The following FLT1 variants were observed in gnomAD, a reference collection of about 807,000 sequenced individuals.
The protein encoded by FLT1 is fms related receptor tyrosine kinase 1, also known as vascular endothelial growth factor receptor 1.
In FLT1, 49 loss-of-function variants were observed where a neutral mutation model predicts 156.3. The observed-to-expected ratio is 0.31, with a 90% CI of 0.25 to 0.40. FLT1 has a LOEUF of 0.40. FLT1 is among the 10% of genes least tolerant of loss of function. The probability of loss-of-function intolerance (pLI) is 1.00; values close to 1 mark genes in which losing one functional copy is unlikely to be tolerated. For synonymous variants in FLT1, 594 were observed against 583.8 expected, an observed-to-expected ratio of 1.02 and a Z score of -0.25; for missense variants, 1,322 against 1,637.2, an observed-to-expected ratio of 0.81 and a Z score of 3.32.
At chr13:28,390,570 A>G (rs1202996279) in intron 12 of FLT1, among the ~76,000 whole-genome samples, 1 of 151,950 alleles carries the variant, frequency 6.6e-6, no homozygotes, top group African/African-American at 2.4e-5. Flanking sequence ...TAATTTTTGT[A>G]CTTTTTGGTG....
chr13:28,302,794 G>C lies in FLT1; in HGVS notation c.*373C>G, dbSNP rs1455374797. ...ACGGGCTTGTTGCCCTGGGTTTTGG[G>C]CTGCAGGGCTGGCCCAGTGGGGTAC... On this transcript the variant is annotated 3_prime_UTR_variant, in exon 30 of 30. Coordinates refer to ENST00000282397, the MANE Select transcript of FLT1 (RefSeq NM_002019.4). The C allele has an allele frequency of 3.7e-6, 1 of 273,154 alleles. No homozygotes were observed. The highest frequency in any genetic ancestry group is 2.3e-5 in the African/African-American group (1 of 42,630). The allele number at this position is 273,154 out of a possible 1,614,324, so 16.9% of individuals were successfully genotyped here. A position where few individuals can be genotyped will look rare whatever the true frequency, so the allele number is the denominator to read the frequency against.
chr13:28,320,082 T>C (rs1273960750), intron 23 of FLT1, among the ~76,000 whole-genome samples: 1 of 152,150 alleles, frequency 6.6e-6, no homozygotes, highest in East Asian at 1.9e-4. Context: ...TGTAGACAAA[T>C]CTTCCTCTCT....
chr13:28,352,949 C>T (rs1222997643), intron 15 of FLT1, among the ~76,000 whole-genome samples: 2 of 152,172 alleles, frequency 1.3e-5, no homozygotes, highest in Admixed American at 6.5e-5. Flanking sequence ...AAAGCAGTGA[C>T]TGAAGACCCA....
chr13:28,303,431 A>ACTTTTTTAG, intron 29 of FLT1, 63 bp from the exon 30 acceptor site: 1 of 1,430,292 alleles, frequency 7.0e-7, no homozygotes, highest in Non-Finnish European at 9.7e-7. Context: ...CAAAGACACT[A>ACTTTTTTAG]AAATCTACTC....
intron 1 of FLT1, among the ~76,000 whole-genome samples, chr13:28,474,228 G>A (rs1317584437): frequency 6.6e-6 from 1 of 152,108 alleles, no homozygotes; most frequent in Non-Finnish European, 1.5e-5. Flanking sequence ...GGCTGAGGCA[G>A]CTGTATCACC....
At chr13:28,468,490 G>A (rs989155875) in intron 1 of FLT1, among the ~76,000 whole-genome samples, 3 of 152,122 alleles carry the variant, frequency 2.0e-5, no homozygotes, top group African/African-American at 7.2e-5. Flanking sequence ...TGGACTAGAC[G>A]ACCTTGAAAT....
chr13:28,438,052 T>G (rs1878129452), intron 4 of FLT1, among the ~76,000 whole-genome samples, 169 bp downstream of exon 4: 1 of 152,240 alleles, frequency 6.6e-6, no homozygotes, highest in East Asian at 1.9e-4. Flanking sequence ...ACCACATGCA[T>G]GGACATAACT....
At position 28,412,385 on chromosome 13, in the gene FLT1, T is replaced by TTTCTTTCCTTCTTTCTTTCC. The variant is rs1555236551; in HGVS notation, c.1437-6492_1437-6491insGGAAAGAAAGAAGGAAAGAA. ...CTTTCTTTCTTTCTTTCTTTCTTTC[T>TTTCTTTCCTTCTTTCTTTCC]TTCTTTCTTTCTTTCTTTCTTTCTT... is the stretch of plus-strand genomic sequence containing the variant. On this transcript the variant is annotated intron_variant, in intron 10 of 29. Coordinates refer to ENST00000282397, the MANE Select transcript of FLT1 (RefSeq NM_002019.4). Among the ~76,000 whole-genome samples the TTTCTTTCCTTCTTTCTTTCC allele has an allele frequency of 3.4e-3, 292 of 84,968 alleles. 6 individuals carry two copies. The highest frequency in any genetic ancestry group is 0.01 in the African/African-American group (277 of 26,792). The allele number at this position is 84,968 out of a possible 152,430, so 55.7% of individuals were successfully genotyped here. A position where few individuals can be genotyped will look rare whatever the true frequency, so the allele number is the denominator to read the frequency against.
chr13:28,424,656 T>C (rs946265002), intron 10 of FLT1, among the ~76,000 whole-genome samples: 1 of 152,210 alleles, frequency 6.6e-6, no homozygotes, highest in Non-Finnish European at 1.5e-5. Context: ...GTCCTCAAAC[T>C]AAGCGAATGC....
At chr13:28,399,269 T>A (rs1036190789) in intron 11 of FLT1, among the ~76,000 whole-genome samples, 1 of 152,210 alleles carries the variant, frequency 6.6e-6, no homozygotes. Context: ...CAGCACTGTT[T>A]TTTTTATGAA....
intron 25 of FLT1, among the ~76,000 whole-genome samples, chr13:28,315,709 A>G (rs938731071): frequency 2.0e-5 from 3 of 152,252 alleles, no homozygotes; most frequent in Non-Finnish European, 4.4e-5. Flanking sequence ...GTAATTGAGA[A>G]CTTTCTCGAG....
intron 3 of FLT1, among the ~76,000 whole-genome samples, chr13:28,445,752 TACCAATTTTTC>T (rs1420406605): frequency 9.2e-5 from 14 of 152,080 alleles, no homozygotes; most frequent in African/African-American, 3.4e-4. Context: ...AAAGAACTAA[TACCAATTTTTC>T]ACAAACTTTT....
chr13:28,441,666 T>A (rs1488344119), intron 3 of FLT1, among the ~76,000 whole-genome samples: 3 of 152,166 alleles, frequency 2.0e-5, no homozygotes, highest in African/African-American at 7.2e-5. Flanking sequence ...AAGAGCCAGG[T>A]GCAGTGGCTC....
intron 3 of FLT1, among the ~76,000 whole-genome samples, chr13:28,456,230 G>A (rs937160789): frequency 6.6e-6 from 1 of 151,744 alleles, no homozygotes. Context: ...GATGTCCTTT[G>A]GTAGGTGAAT....
intron 11 of FLT1, among the ~76,000 whole-genome samples, chr13:28,397,362 G>A (rs188928693): frequency 1.3e-5 from 2 of 152,300 alleles, no homozygotes; most frequent in East Asian, 1.9e-4. Context: ...AAGCTGAGAT[G>A]TGGGACTGCA....
Position 28,303,046 on chromosome 13 carries a change from G to A in FLT1, c.*121C>T. 4 of 824,352 alleles carry A rather than the reference G, an allele frequency of 4.9e-6. No homozygotes were observed. The highest frequency in any genetic ancestry group is 1.7e-5 in the South Asian group (1 of 58,392). The allele number at this position is 824,352 out of a possible 1,614,324, so 51.1% of individuals were successfully genotyped here. On this transcript the variant is annotated 3_prime_UTR_variant, in exon 30 of 30. Coordinates refer to ENST00000282397, the MANE Select transcript of FLT1 (RefSeq NM_002019.4). ...AGCACTATTAAAAAAATCACAAAAA[G>A]CAGCTGGCTCCCATGGAAAGATAAA... is the stretch of plus-strand genomic sequence containing the variant.
At chr13:28,304,239 A>G (rs1870641488) in intron 29 of FLT1, among the ~76,000 whole-genome samples, 1 of 152,244 alleles carries the variant, frequency 6.6e-6, no homozygotes, top group Non-Finnish European at 1.5e-5. Flanking sequence ...GTTCCAAAGT[A>G]GGAAACAAAA....
intron 11 of FLT1, among the ~76,000 whole-genome samples, 194 bp downstream of exon 11, chr13:28,405,586 C>T (rs1875735486): frequency 6.6e-6 from 1 of 152,166 alleles, no homozygotes; most frequent in South Asian, 2.1e-4. Context: ...AATGAGTACT[C>T]ATTATGTTGG....
intron 10 of FLT1, among the ~76,000 whole-genome samples, chr13:28,406,627 T>TTTA (rs59281827): frequency 6.6e-4 from 34 of 51,224 alleles, no homozygotes; most frequent in African/African-American, 1.6e-3. Context: ...CAAGAGGAAT[T>TTTA]TTATTATTAT....
Sources: gnomAD v4.1 joint callset for allele counts (sites outside exome capture counted in the v4.1 genomes callset) on GRCh38, gnomAD v4.1.1 for gene constraint, MANE v1.5 for transcripts, NCBI Gene and HGNC (gene_info 2026-07-23, HGNC 2026-07-21) for gene names.